Variants in NR6A1 observed in about 807,000 individuals in gnomAD.
The protein encoded by NR6A1 is nuclear receptor subfamily 6 group A member 1.
NR6A1 carries 7 observed loss-of-function variants against 59.1 expected under a neutral mutation model. The observed-to-expected ratio is 0.12, with a 90% CI of 0.07 to 0.22. The LOEUF is 0.22. Ranked by LOEUF, NR6A1 falls within the 10% of genes least tolerant of loss-of-function variation. NR6A1 has a pLI of 1.00. For synonymous variants in NR6A1, 243 were observed against 236.1 expected (o/e 1.03, Z -0.27); for missense variants, 468 against 611.6 (o/e 0.77, Z 2.48).
intron 2 of NR6A1, among the ~76,000 whole-genome samples, chr9:124,616,441 C>G (rs1009605813): frequency 2.5e-4 from 37 of 148,418 alleles, no homozygotes; most frequent in African/African-American, 8.4e-4. Flanking sequence ...TAGAACTAAT[C>G]ACAATCCCAC....
intron 2 of NR6A1, among the ~76,000 whole-genome samples, chr9:124,731,370 GAA>G (rs779705280): frequency 9.2e-5 from 10 of 108,778 alleles, no homozygotes; most frequent in African/African-American, 1.4e-4. Flanking sequence ...ACTCCATCTC[GAA>G]AAAAAAAAAA....
chr9:124,626,245 A>G (rs1307596680), intron 2 of NR6A1, among the ~76,000 whole-genome samples: 2 of 152,150 alleles, frequency 1.3e-5, no homozygotes, highest in Non-Finnish European at 2.9e-5. Context: ...ACCTCAAGTG[A>G]TCTGCCCGCC....
chr9:124,727,436 A>G (rs1275871839), intron 2 of NR6A1, among the ~76,000 whole-genome samples: 2 of 152,208 alleles, frequency 1.3e-5, no homozygotes, highest in African/African-American at 2.4e-5. Context: ...CACATTTGGA[A>G]GATTTTTAAA....
chr9:124,663,801 G>C (rs1378934420), intron 2 of NR6A1, among the ~76,000 whole-genome samples: 2 of 152,082 alleles, frequency 1.3e-5, no homozygotes, highest in Non-Finnish European at 2.9e-5. Context: ...CATAAATATT[G>C]AATGAACTGA....
At chr9:124,699,577 G>A (rs112857172) in intron 2 of NR6A1, among the ~76,000 whole-genome samples, 4 of 152,264 alleles carry the variant, frequency 2.6e-5, no homozygotes, top group African/African-American at 4.8e-5. Flanking sequence ...TTGTCAAGAC[G>A]TCCCTTCCTT....
chr9:124,716,557 C>T lies in NR6A1; in HGVS notation c.142+16751G>A, dbSNP rs367689793. Among the ~76,000 whole-genome samples the T allele has an allele frequency of 6.1e-4, 93 of 152,306 alleles. 1 individual carries two copies. In the South Asian group the frequency reaches 0.018, roughly 30 times the overall value. On this transcript the variant is annotated intron_variant, in intron 2 of 9. Coordinates refer to ENST00000487099, the MANE Select transcript of NR6A1 (RefSeq NM_033334.4). ...GAAAATATTTACAACACATATCTGA[C>T]GGACTTATATGTTATATGTAGAATA...
chr9:124,525,650 C>T (rs73577941), intron 8 of NR6A1, among the ~76,000 whole-genome samples: 12,335 of 151,572 alleles, frequency 0.081, 1,683 homozygotes, highest in African/African-American at 0.28. Context: ...AGCCACTGTG[C>T]CTGGCCCCTC....
At chr9:124,722,031 A>G (rs1403680191) in intron 2 of NR6A1, among the ~76,000 whole-genome samples, 1 of 152,242 alleles carries the variant, frequency 6.6e-6, no homozygotes, top group Non-Finnish European at 1.5e-5. Flanking sequence ...TTCTGTGCAT[A>G]GTAAATATTA....
intron 2 of NR6A1, among the ~76,000 whole-genome samples, chr9:124,655,961 C>A (rs547117280): frequency 3.9e-5 from 6 of 152,270 alleles, no homozygotes; most frequent in South Asian, 4.2e-4. Flanking sequence ...TTTGCTCCCC[C>A]CTCATTGAGT....
In NR6A1 at chr9:124,697,798, T is replaced by C. The variant is rs60049542; in HGVS notation, c.142+35510A>G. Among the ~76,000 whole-genome samples, 684 of 152,256 alleles carry C rather than the reference T, an allele frequency of 4.5e-3. 4 individuals carry two copies. The highest frequency in any genetic ancestry group is 0.015 in the African/African-American group (629 of 41,556). ...AGCTTGGGCTAAATGAGGGTAAAAA[T>C]CTCAGCTGTTACTTAGCAACTATAT... On this transcript the variant is annotated intron_variant, in intron 2 of 9. Coordinates refer to ENST00000487099, the MANE Select transcript of NR6A1 (RefSeq NM_033334.4).
intron 5 of NR6A1, among the ~76,000 whole-genome samples, chr9:124,538,816 G>A (rs1440533689): frequency 1.3e-5 from 2 of 151,864 alleles, no homozygotes; most frequent in African/African-American, 4.8e-5. Flanking sequence ...ACCTGAATGG[G>A]ATAAAAGCTT....
At chr9:124,545,529 T>A (rs1833571667) in intron 3 of NR6A1, among the ~76,000 whole-genome samples, 1 of 152,218 alleles carries the variant, frequency 6.6e-6, no homozygotes, top group African/African-American at 2.4e-5. Context: ...TCTCTTTCAA[T>A]CTAATTTCAA....
chr9:124,525,725 C>G (rs1832917438), intron 8 of NR6A1, among the ~76,000 whole-genome samples: 1 of 151,320 alleles, frequency 6.6e-6, no homozygotes, highest in Non-Finnish European at 1.5e-5. Flanking sequence ...ACACACACAC[C>G]TTTTTTATAT....
chr9:124,683,235 GGGAAAA>G (rs144520685), intron 2 of NR6A1, among the ~76,000 whole-genome samples: 9,379 of 149,834 alleles, frequency 0.063, 383 homozygotes, highest in East Asian at 0.18. Context: ...GAAAGGGAAA[GGGAAAA>G]GGAAAAGGAA....
At chr9:124,541,508 C>A (rs1833446124) in intron 4 of NR6A1, among the ~76,000 whole-genome samples, 1 of 151,844 alleles carries the variant, frequency 6.6e-6, no homozygotes, top group South Asian at 2.1e-4. Context: ...AACAAACAAA[C>A]AAAAAACCAG....
At chr9:124,591,111 C>A (rs1032088833) in intron 2 of NR6A1, among the ~76,000 whole-genome samples, 5 of 152,200 alleles carry the variant, frequency 3.3e-5, no homozygotes, top group Non-Finnish European at 7.3e-5. Context: ...GAGCCCCTCC[C>A]TTATTGTTGC....
chr9:124,666,356 G>A lies in NR6A1; in HGVS notation c.142+66952C>T, dbSNP rs976451709. The stretch of plus-strand genomic sequence containing the variant: ...TGTAGTAGTGCAATCTTGGCTCACT[G>A]TAACCTCCACCTCCCAGAGACAAGC... On this transcript the variant is annotated intron_variant, in intron 2 of 9. Coordinates refer to ENST00000487099, the MANE Select transcript of NR6A1 (RefSeq NM_033334.4). Among the ~76,000 whole-genome samples the A allele has an allele frequency of 4.3e-5, 6 of 140,216 alleles. No homozygotes were observed. The South Asian group carries it at 8.9e-4, about 21-fold the overall frequency. 92.0% of individuals were successfully genotyped at this position (140,216 alleles called of 152,430 possible).
intron 2 of NR6A1, among the ~76,000 whole-genome samples, chr9:124,641,616 C>G (rs976451787): frequency 1.3e-5 from 2 of 152,092 alleles, no homozygotes; most frequent in Non-Finnish European, 2.9e-5. Context: ...AGGATTGCTT[C>G]AGCCCTGGAG....
chr9:124,631,230 T>G (rs758902302), intron 2 of NR6A1, among the ~76,000 whole-genome samples: 3 of 152,194 alleles, frequency 2.0e-5, no homozygotes, highest in Non-Finnish European at 4.4e-5. Flanking sequence ...TGATATGACA[T>G]TAAGTAGTGA....
Sources: gnomAD v4.1 joint callset for allele counts (sites outside exome capture counted in the v4.1 genomes callset) on GRCh38, gnomAD v4.1.1 for gene constraint, MANE v1.5 for transcripts, NCBI Gene and HGNC (gene_info 2026-07-23, HGNC 2026-07-21) for gene names.